SCAF8: variants seen among roughly 807,000 people sequenced by gnomAD.
SCAF8 encodes SR-related and CTD-associated factor 8.
A neutral mutation model predicts 140.5 loss-of-function variants in SCAF8; 23 were observed. The observed-to-expected ratio is 0.16, with a 90% CI of 0.12 to 0.23. The LOEUF (loss-of-function observed/expected upper bound fraction) is 0.23, where lower values mean the gene tolerates loss of function less well. SCAF8 is among the 10% of genes least tolerant of loss of function. SCAF8 has a pLI of 1.00. For missense variants in SCAF8, 1,397 were observed against 1,555.7 expected (o/e 0.90, Z 1.72); for synonymous variants, 575 against 528.9 (o/e 1.09, Z -1.20).
chr6:154,772,311 T>A (rs1776791988), intron 1 of SCAF8, among the ~76,000 whole-genome samples: 1 of 152,224 alleles, frequency 6.6e-6, no homozygotes, highest in South Asian at 2.1e-4. Context: ...AATAGAAGTT[T>A]TAATCAGTAA....
chr6:154,733,677 G>A lies in SCAF8; in HGVS notation c.-224G>A. 7.6e-7 allele frequency: 1 copy of A among 1,307,918 alleles called. No homozygotes were observed. The highest frequency in any genetic ancestry group is 9.7e-7 in the Non-Finnish European group (1 of 1,032,026). 81.0% of individuals were successfully genotyped at this position (1,307,918 alleles called of 1,614,324 possible). ...GGCAGCGCCTCTGTTCCCTAGAACGGCGCTCCCCCCGCCCTAGCGGCCATG... is the reference window on the plus strand; with the variant it reads ...GGCAGCGCCTCTGTTCCCTAGAACGACGCTCCCCCCGCCCTAGCGGCCATG... On this transcript the variant is annotated 5_prime_UTR_variant, in exon 1 of 20. Coordinates refer to ENST00000367178, the MANE Select transcript of SCAF8 (RefSeq NM_014892.5).
chr6:154,733,817 A>T lies in SCAF8; in HGVS notation c.-84A>T. Reference sequence around the variant, plus strand: ...CAGCGCCCCCTCCTCGCGGCCACGCAGCAGCCCGCGTCTCGCTCTCCCCAC... The same window carrying T: ...CAGCGCCCCCTCCTCGCGGCCACGCTGCAGCCCGCGTCTCGCTCTCCCCAC... On this transcript the variant is annotated 5_prime_UTR_variant, in exon 1 of 20. Transcript: ENST00000367178. The T allele has an allele frequency of 6.8e-7, 1 of 1,480,796 alleles. No homozygotes were observed. The highest frequency in any genetic ancestry group is 8.9e-7 in the Non-Finnish European group (1 of 1,119,620). 91.7% of individuals were successfully genotyped at this position (1,480,796 alleles called of 1,614,324 possible). A position where few individuals can be genotyped will look rare whatever the true frequency, so the allele number is the denominator to read the frequency against.
chr6:154,789,904 A>C (rs764216739), intron 4 of SCAF8, among the ~76,000 whole-genome samples: 8 of 152,188 alleles, frequency 5.3e-5, no homozygotes, highest in Non-Finnish European at 8.8e-5. Context: ...ACCTTAGACT[A>C]CCACTTGAAG....
In SCAF8 at chr6:154,833,374, C is replaced by T; in HGVS notation, c.3795C>T (p.Ser1265=). ...TAGAAAGTGAACCAGTGGTAGAAAG[C>T]ACAGAAACTGAGGGGACATAATCAT... ...ADIESEPVVE[S]TETEGT Residue 1265 remains serine, a synonymous_variant, in exon 20 of 20, where the codon AGC becomes AGT. Transcript: ENST00000367178. 1 of 1,613,068 alleles carries T rather than the reference C, an allele frequency of 6.2e-7. No individual in the cohort carries two copies. Among genetic ancestry groups the T allele is most frequent in the Non-Finnish European group, 8.5e-7 (1 of 1,179,650 alleles).
intron 1 of SCAF8, among the ~76,000 whole-genome samples, chr6:154,742,336 A>G (rs1214259806): frequency 6.6e-6 from 1 of 152,172 alleles, no homozygotes; most frequent in Non-Finnish European, 1.5e-5. Flanking sequence ...TGAATTGCAG[A>G]CCTCTTAATT....
chr6:154,748,341 G>A (rs907330985), intron 1 of SCAF8, among the ~76,000 whole-genome samples: 2 of 152,156 alleles, frequency 1.3e-5, no homozygotes, highest in Non-Finnish European at 2.9e-5. Context: ...CCAAAGTTGG[G>A]AGCCGCTGTG....
intron 1 of SCAF8, among the ~76,000 whole-genome samples, chr6:154,769,040 G>A (rs1484481043): frequency 6.9e-6 from 1 of 144,026 alleles, no homozygotes; most frequent in Admixed American, 7.0e-5. Flanking sequence ...TCCAGCGTGG[G>A]CGACAGAGTG....
At chr6:154,800,160 TC>T (rs1777733193) in intron 6 of SCAF8, among the ~76,000 whole-genome samples, 2 of 151,396 alleles carry the variant, frequency 1.3e-5, no homozygotes, top group Admixed American at 6.6e-5. Flanking sequence ...TCTGCTTACT[TC>T]CTTCCTTAGC....
intron 8 of SCAF8, 34 bp downstream of exon 8, chr6:154,803,657 T>C: frequency 3.0e-6 from 4 of 1,318,198 alleles, no homozygotes; most frequent in Non-Finnish European, 4.4e-6. Flanking sequence ...ATAGTTTTTT[T>C]ATATTTAGTG....
intron 12 of SCAF8, among the ~76,000 whole-genome samples, chr6:154,812,637 C>T (rs1315345167): frequency 6.6e-6 from 1 of 152,016 alleles, no homozygotes; most frequent in East Asian, 1.9e-4. Flanking sequence ...TGTTTTCATA[C>T]GATTTATTGG....
At chr6:154,776,233 A>T (rs1372364655) in intron 2 of SCAF8, among the ~76,000 whole-genome samples, 1 of 151,772 alleles carries the variant, frequency 6.6e-6, no homozygotes, top group Non-Finnish European at 1.5e-5. Flanking sequence ...GACATTTTTG[A>T]AGCGTCTAGA....
At chr6:154,761,041 A>T (rs1029800904) in intron 1 of SCAF8, among the ~76,000 whole-genome samples, 4 of 151,900 alleles carry the variant, frequency 2.6e-5, no homozygotes, top group African/African-American at 9.7e-5. Flanking sequence ...GCCTCAAGCG[A>T]TCCTCTCACC....
intron 14 of SCAF8, among the ~76,000 whole-genome samples, chr6:154,819,509 T>C (rs1046222816): frequency 6.6e-5 from 10 of 152,228 alleles, no homozygotes; most frequent in South Asian, 2.1e-4. Flanking sequence ...GAGGATCTTT[T>C]GAGCCCATGA....
At chr6:154,810,593 A>G (rs1005413138) in intron 12 of SCAF8, among the ~76,000 whole-genome samples, 8 of 152,198 alleles carry the variant, frequency 5.3e-5, no homozygotes, top group African/African-American at 1.2e-4. Context: ...AGCTATATCT[A>G]ATTTTTAAAG....
chr6:154,766,424 G>A (rs1287575557), intron 1 of SCAF8, among the ~76,000 whole-genome samples: 1 of 152,170 alleles, frequency 6.6e-6, no homozygotes, highest in Non-Finnish European at 1.5e-5. Flanking sequence ...AGGAGGGTTT[G>A]TGTCCTAAAA....
intron 1 of SCAF8, among the ~76,000 whole-genome samples, chr6:154,748,912 C>T (rs1450017420): frequency 6.6e-6 from 1 of 152,194 alleles, no homozygotes; most frequent in Non-Finnish European, 1.5e-5. Flanking sequence ...TTTATTAATT[C>T]CAAATAATCC....
At chr6:154,786,990 A>G (rs1011064563) in intron 3 of SCAF8, among the ~76,000 whole-genome samples, 15 of 152,274 alleles carry the variant, frequency 9.9e-5, no homozygotes, top group African/African-American at 3.6e-4. Context: ...GATACTGTGC[A>G]GTAAGCTTGC....
At position 154,795,063 on chromosome 6, in the gene SCAF8, C is replaced by T. The variant is rs751034820; in HGVS notation, c.530C>T (p.Pro177Leu). 8 of 1,613,200 alleles carry T rather than the reference C, an allele frequency of 5.0e-6. No homozygotes were observed. Among genetic ancestry groups the T allele is most frequent in the South Asian group, 2.2e-5 (2 of 90,974 alleles). ...AATGTGGTCCAAGGCTTACCTGATC[C>T]GTGGGTATCTCAGATAACAAATACA... The part of the protein sequence containing the change: ...PANVVQGLPD[P>L]WVSQITNTDT... The change falls in exon 6 of 20, where the codon CCG becomes CTG. Residue 177 changes from proline (P) to leucine (L), a missense_variant. Coordinates refer to ENST00000367178, the MANE Select transcript of SCAF8 (RefSeq NM_014892.5).
At chr6:154,808,657 G>T (rs1777997698) in intron 10 of SCAF8, 29 bp from the exon 11 acceptor site, 4 of 1,404,276 alleles carry the variant, frequency 2.8e-6, no homozygotes, top group Non-Finnish European at 4.0e-6. Context: ...CAGCCTTTCT[G>T]TTTGTTTGCT....
Sources: allele counts gnomAD v4.1 joint callset (sites outside exome capture counted in the v4.1 genomes callset), GRCh38; gene constraint gnomAD v4.1.1; transcripts MANE v1.5; gene names NCBI Gene and HGNC (gene_info 2026-07-23, HGNC 2026-07-21).